The following C1RL variants were observed in gnomAD, a reference collection of about 807,000 sequenced individuals.
The protein encoded by C1RL is complement C1r subcomponent like, also known as complement C1r subcomponent-like protein.
Under a neutral mutation model 27.9 loss-of-function variants are expected in C1RL, and 27 were observed. The observed-to-expected ratio is 0.97, with a 90% CI of 0.71 to 1.33. The LOEUF is 1.33. Ranked by LOEUF, C1RL falls within the 40% of genes most tolerant of loss-of-function variation. The probability of loss-of-function intolerance (pLI) is 0.00; values close to 1 mark genes in which losing one functional copy is unlikely to be tolerated. For synonymous variants in C1RL, 248 were observed against 252.1 expected (o/e 0.98, Z 0.15); for missense variants, 563 against 623.9 (o/e 0.90, Z 1.04).
intron 1 of C1RL, 33 bp from the exon 2 acceptor site, chr12:7,108,512 C>A (rs1249513641): frequency 3.9e-6 from 6 of 1,522,328 alleles, no homozygotes; most frequent in Non-Finnish European, 5.3e-6. Context: ...GGTGGGGCCG[C>A]GCAGCTATGG....
In C1RL at chr12:7,104,859, T is replaced by C. The variant is rs1343069376; in HGVS notation, c.301-2772A>G. ...TCAGTAATTGCTGTAGAAACTTCACTCTTGTCTATATCAATTAGCTCTATG... is the reference window on the plus strand; with the variant it reads ...TCAGTAATTGCTGTAGAAACTTCACCCTTGTCTATATCAATTAGCTCTATG... On this transcript the variant is annotated intron_variant, in intron 2 of 5. Transcript: ENST00000266542. The surrounding 1 kb of genome is among the most constrained non-coding windows in gnomAD (Gnocchi z 5.4). 6.6e-6 allele frequency among the ~76,000 whole-genome samples: 1 copy of C among 152,250 alleles called. No homozygotes were observed. The highest frequency in any genetic ancestry group is 1.5e-5 in the Non-Finnish European group (1 of 68,042).
intron 5 of C1RL, among the ~76,000 whole-genome samples, chr12:7,097,684 G>C (rs1938493568): frequency 6.6e-6 from 1 of 152,180 alleles, no homozygotes; most frequent in African/African-American, 2.4e-5. Context: ...ATCCTGCATG[G>C]GACTCAGGAC....
Position 7,102,104 on chromosome 12 carries a change from G to A in C1RL, c.301-17C>T, listed in dbSNP as rs184651561. ...GAATGAGATCTGAAAGCGGGAGGAG[G>A]AGTGAGGCTGCAGATAGGTGTGGGG... On this transcript the variant is annotated splice_polypyrimidine_tract_variant and intron_variant, in intron 2 of 5. Coordinates refer to ENST00000266542, the MANE Select transcript of C1RL (RefSeq NM_016546.4). 2.0e-4 allele frequency: 323 copies of A among 1,597,836 alleles called. No homozygotes were observed. The African/African-American group carries it at 3.9e-3, about 19-fold the overall frequency.
In C1RL at chr12:7,107,216, T is replaced by C. The variant is rs368004073; in HGVS notation, c.300+1035A>G. ...CAGGGTCTCACTCTGTCACCCAGGCTGGAGTACGGTGTCATGATCAGAGCT... is the reference window on the plus strand; with the variant it reads ...CAGGGTCTCACTCTGTCACCCAGGCCGGAGTACGGTGTCATGATCAGAGCT... On this transcript the variant is annotated intron_variant, in intron 2 of 5. Coordinates refer to ENST00000266542, the MANE Select transcript of C1RL (RefSeq NM_016546.4). Among the ~76,000 whole-genome samples, 68 of 152,076 alleles carry C rather than the reference T, an allele frequency of 4.5e-4. 1 individual carries two copies. In the East Asian group the frequency reaches 0.01, roughly 23 times the overall value.
intron 2 of C1RL, among the ~76,000 whole-genome samples, chr12:7,106,567 T>C (rs749896985): frequency 6.6e-6 from 1 of 152,142 alleles, no homozygotes; most frequent in Non-Finnish European, 1.5e-5. Context: ...TCGAGAGATC[T>C]TCAGGAGGGA....
At chr12:7,098,488 G>A (rs1465022503) in intron 5 of C1RL, 3 of 152,088 alleles carry the variant, frequency 2.0e-5, no homozygotes, top group Non-Finnish European at 4.4e-5. Flanking sequence ...ATTTAGAAAC[G>A]TACGTTGATA....
intron 2 of C1RL, among the ~76,000 whole-genome samples, chr12:7,107,687 T>A (rs1591601582): frequency 6.6e-6 from 1 of 152,232 alleles, no homozygotes; most frequent in Admixed American, 6.5e-5. Flanking sequence ...CCTTGAACCC[T>A]GGGCTCCAGC....
chr12:7,094,953 C>A lies in C1RL; in HGVS notation c.*1438G>T, dbSNP rs1938385012. On this transcript the variant is annotated 3_prime_UTR_variant, in exon 6 of 6. Coordinates refer to ENST00000266542, the MANE Select transcript of C1RL (RefSeq NM_016546.4). Reference sequence around the variant, plus strand: ...CAGAAGTAATCACATGTATGTACAACTTTGAATCCTGCCATTTTTTAGAGA... The same window carrying A: ...CAGAAGTAATCACATGTATGTACAAATTTGAATCCTGCCATTTTTTAGAGA... 1.8e-6 allele frequency: 2 copies of A among 1,109,316 alleles called. No homozygotes were observed. Among genetic ancestry groups the A allele is most frequent in the Non-Finnish European group, 2.2e-6 (2 of 901,760 alleles). The allele number at this position is 1,109,316 out of a possible 1,614,324, so 68.7% of individuals were successfully genotyped here.
In C1RL at chr12:7,096,947, A is replaced by G. The variant is rs775820531; in HGVS notation, c.908T>C (p.Leu303Ser). The G allele has an allele frequency of 2.9e-5, 46 of 1,612,922 alleles. No individual in the cohort carries two copies. In the East Asian group the frequency reaches 1.0e-3, roughly 36 times the overall value. Residue 303 changes from leucine (L) to serine (S), a missense_variant, in exon 6 of 6, where the codon TTG (leucine) becomes TCG (serine). By Grantham distance (145) the Leu-to-Ser change is moderately radical (BLOSUM62 -2). Transcript: ENST00000266542. ...CATCTCATCTATGGCTGTGTGGCCCAAGAACACATTCACACTCTGGTTCTT... is the reference window on the plus strand; with the variant it reads ...CATCTCATCTATGGCTGTGTGGCCCGAGAACACATTCACACTCTGGTTCTT... ...LRKNQSVNVF[L>S]GHTAIDEMLK...
In C1RL at chr12:7,104,441, C is replaced by T. The variant is rs1012141124; in HGVS notation, c.301-2354G>A. Among the ~76,000 whole-genome samples, 5 of 152,232 alleles carry T rather than the reference C, an allele frequency of 3.3e-5. No individual in the cohort carries two copies. The highest frequency in any genetic ancestry group is 7.2e-5 in the African/African-American group (3 of 41,454). On this transcript the variant is annotated intron_variant, in intron 2 of 5. Coordinates refer to ENST00000266542, the MANE Select transcript of C1RL (RefSeq NM_016546.4). This position sits in a 1 kb window ranked among gnomAD's most constrained non-coding sequence, Gnocchi z 5.4. The stretch of plus-strand genomic sequence containing the variant: ...ATGACGTTGACGAGAAAAAATATTG[C>T]CCCGTGTCCGGGGCCACTCTCTGGG...
intron 1 of C1RL, 120 bp downstream of exon 1, chr12:7,108,978 TGTGTGTGTGTGG>T: frequency 1.2e-5 from 2 of 164,086 alleles, no homozygotes; most frequent in Non-Finnish European, 2.0e-5. Context: ...TGTGTGTGTG[TGTGTGTGTGTGG>T]GGGGGGGGGG....
chr12:7,107,446 A>T (rs1938798815), intron 2 of C1RL, among the ~76,000 whole-genome samples: 1 of 152,180 alleles, frequency 6.6e-6, no homozygotes, highest in Admixed American at 6.5e-5. Flanking sequence ...CTGGGACTAC[A>T]GACATGAGCT....
At position 7,104,705 on chromosome 12, in the gene C1RL, A is replaced by G. The variant is rs1280463052; in HGVS notation, c.301-2618T>C. Among the ~76,000 whole-genome samples the G allele has an allele frequency of 1.3e-5, 2 of 152,222 alleles. No individual in the cohort carries two copies. The highest frequency in any genetic ancestry group is 3.8e-4 in the East Asian group (2 of 5,208). On this transcript the variant is annotated intron_variant, in intron 2 of 5. Transcript: ENST00000266542. This position sits in a 1 kb window ranked among gnomAD's most constrained non-coding sequence, Gnocchi z 5.4. ...GCCACCCGTGACCCCAAACTGGAAT[A>G]ATTGGGTAAATAATCTTATTCGTTT...
chr12:7,096,187 C>T lies in C1RL; in HGVS notation c.*204G>A. On this transcript the variant is annotated 3_prime_UTR_variant, in exon 6 of 6. Transcript: ENST00000266542. Reference sequence around the variant, plus strand: ...GTGAGGAGGAGCGGTCTGTGGGACTCTGCTTCCTGTCTGGGATGGGGCGGG... The same window carrying T: ...GTGAGGAGGAGCGGTCTGTGGGACTTTGCTTCCTGTCTGGGATGGGGCGGG... 1 of 1,372,742 alleles carries T rather than the reference C, an allele frequency of 7.3e-7. No individual in the cohort carries two copies. Among genetic ancestry groups the T allele is most frequent in the Non-Finnish European group, 9.4e-7 (1 of 1,066,670 alleles). The allele number at this position is 1,372,742 out of a possible 1,614,324, so 85.0% of individuals were successfully genotyped here.
chr12:7,106,041 T>C (rs1177258918), intron 2 of C1RL, among the ~76,000 whole-genome samples: 1 of 152,152 alleles, frequency 6.6e-6, no homozygotes, highest in Non-Finnish European at 1.5e-5. Flanking sequence ...ATTCCTAGAA[T>C]TGAAGGACTA....
At chr12:7,097,282 CG>C (rs1422185762) in intron 5 of C1RL, 119 bp from the exon 6 acceptor site, 735 of 743,940 alleles carry the variant, frequency 9.9e-4, no homozygotes, top group Non-Finnish European at 1.1e-3. Flanking sequence ...GGGATCAGGA[CG>C]TTTTTTTTTT....
Position 7,096,712 on chromosome 12 carries a change from C to A in C1RL, c.1143G>T (p.Glu381Asp). Reference protein sequence around the residue: ...LLGYVSGFGMEMGWLTTELKY... With the variant: ...LLGYVSGFGMDMGWLTTELKY... ...TCAGCTCAGTAGTTAGCCAGCCCAT[C>A]TCCATGCCAAACCCACTGACGTAGC... The change falls in exon 6 of 6, where the codon GAG becomes GAT. Residue 381 changes from glutamate (E) to aspartate (D), a missense_variant. Coordinates refer to ENST00000266542, the MANE Select transcript of C1RL (RefSeq NM_016546.4). The A allele has an allele frequency of 1.2e-6, 2 of 1,613,914 alleles. No homozygotes were observed. The highest frequency in any genetic ancestry group is 1.7e-6 in the Non-Finnish European group (2 of 1,179,884).
At chr12:7,101,849 T>C (rs755024712) in intron 3 of C1RL, 49 bp downstream of exon 3, 34 of 1,580,450 alleles carry the variant, frequency 2.2e-5, no homozygotes, top group Non-Finnish European at 2.4e-5. Context: ...ACCAGGGTCA[T>C]GGCTGGGAAC....
chr12:7,097,277 C>T, intron 5 of C1RL, 114 bp from the exon 6 acceptor site: 2 of 821,482 alleles, frequency 2.4e-6, no homozygotes, highest in Non-Finnish European at 3.5e-6. Flanking sequence ...ACTCTGGGAT[C>T]AGGACGTTTT....
Sources: allele counts gnomAD v4.1 joint callset (sites outside exome capture counted in the v4.1 genomes callset), GRCh38; gene constraint gnomAD v4.1.1; non-coding constraint Gnocchi (gnomAD v3.1); transcripts MANE v1.5; gene names NCBI Gene and HGNC (gene_info 2026-07-23, HGNC 2026-07-21).